The following SEC24A variants were observed in gnomAD, a reference collection of about 807,000 sequenced individuals.
SEC24A encodes the protein protein transport protein Sec24A.
Under a neutral mutation model 129.4 loss-of-function variants are expected in SEC24A, and 93 were observed. The ratio of observed to expected loss-of-function variants is 0.72; its 90% CI spans 0.61 to 0.85. The LOEUF (loss-of-function observed/expected upper bound fraction) is 0.85. SEC24A is among the 40% of genes least tolerant of loss of function. The probability of loss-of-function intolerance (pLI) is 0.00; values close to 1 mark genes in which losing one functional copy is unlikely to be tolerated. For missense variants in SEC24A, 1,264 were observed against 1,307.4 expected (o/e 0.97, Z 0.51); for synonymous variants, 460 against 467.3 (o/e 0.98, Z 0.20).
rs750507563 is a variant in SEC24A at position 134,723,685 on chromosome 5, C to G, written c.3167+15C>G. ...TATGTAATAAGGTAAGTTGAATTTT[C>G]CATTTGCTAGTAGTAAAACAATTTG... is the stretch of plus-strand genomic sequence containing the variant. On this transcript the variant is annotated intron_variant, in intron 22 of 22. Transcript: ENST00000398844. The G allele has an allele frequency of 6.7e-7, 1 of 1,489,624 alleles. No homozygotes were observed. 92.3% of individuals were successfully genotyped at this position (1,489,624 alleles called of 1,614,324 possible). A position where few individuals can be genotyped will look rare whatever the true frequency, so the allele number is the denominator to read the frequency against.
At chr5:134,717,713 C>T (rs546222840) in intron 19 of SEC24A, among the ~76,000 whole-genome samples, 88 of 151,800 alleles carry the variant, frequency 5.8e-4, no homozygotes, top group African/African-American at 2.0e-3. Context: ...GTTGGGAGTT[C>T]GTGACCAGCC....
rs201121476 is a variant in SEC24A at position 134,661,199 on chromosome 5, C to A, written c.178C>A (p.His60Asn). 80 of 1,614,168 alleles carry A rather than the reference C, an allele frequency of 5.0e-5. No homozygotes were observed. The highest frequency in any genetic ancestry group is 5.1e-5 in the Non-Finnish European group (60 of 1,180,026). The change falls in exon 2 of 23, where the codon CAT becomes AAT. Residue 60 changes from histidine (H) to asparagine (N), a missense_variant. Coordinates refer to ENST00000398844, the MANE Select transcript of SEC24A (RefSeq NM_021982.3). ...YNFQLPGSYPHPIPAKTLNPV... is the reference protein window; with the variant it reads ...YNFQLPGSYPNPIPAKTLNPV... Reference sequence around the variant, plus strand: ...TTTCCAGCTTCCAGGATCCTACCCTCATCCAATACCAGCAAAGACTTTGAA... The same window carrying A: ...TTTCCAGCTTCCAGGATCCTACCCTAATCCAATACCAGCAAAGACTTTGAA...
intron 17 of SEC24A, among the ~76,000 whole-genome samples, 200 bp from the exon 18 acceptor site, chr5:134,708,513 T>C (rs1004703499): frequency 1.3e-5 from 2 of 152,158 alleles, no homozygotes; most frequent in Non-Finnish European, 2.9e-5. Context: ...AGCTAGGAAA[T>C]AGCAGAGCAG....
rs201145175 is a variant in SEC24A, at chr5:134,696,408, TA to T, written c.1987-711del. ...AACATTTAATATATTTTAGTTACAA[TA>T]AAAAAATCTTTACCAACTATGAAAT... On this transcript the variant is annotated intron_variant, in intron 13 of 22. Coordinates refer to ENST00000398844, the MANE Select transcript of SEC24A (RefSeq NM_021982.3). Among the ~76,000 whole-genome samples the T allele has an allele frequency of 1.4e-3, 213 of 152,088 alleles. 1 individual carries two copies. The highest frequency in any genetic ancestry group is 4.1e-3 in the African/African-American group (169 of 41,560).
Position 134,693,940 on chromosome 5 carries a change from G to C in SEC24A, c.1986+7G>C, listed in dbSNP as rs181598333. On this transcript the variant is annotated splice_region_variant and intron_variant, in intron 13 of 22. Transcript: ENST00000398844. ...CCACAGGTCATCTGCTAAGGTTAGA[G>C]AGTCATGAAATGTCTGATAAGGTTT... The C allele has an allele frequency of 4.5e-5, 73 of 1,611,882 alleles. No individual in the cohort carries two copies. In the East Asian group the frequency reaches 1.6e-3, roughly 35 times the overall value.
Position 134,708,848 on chromosome 5 carries a change from T to G in SEC24A, c.2687T>G (p.Leu896Trp). Residue 896 changes from leucine to tryptophan, a missense_variant, in exon 18 of 23, where the codon TTG becomes TGG. Leu to Trp is a moderately conservative substitution (Grantham distance 61). Coordinates refer to ENST00000398844, the MANE Select transcript of SEC24A (RefSeq NM_021982.3). ...QQPGLMVPFS[L>W]RLFPLFVLAL... ...CCTGGACTCATGGTTCCTTTTTCTT[T>G]GCGGCTTTTCCCACTTTTTGTGTTG... 6.2e-7 allele frequency: 1 copy of G among 1,613,862 alleles called. No homozygotes were observed. The highest frequency in any genetic ancestry group is 8.5e-7 in the Non-Finnish European group (1 of 1,179,968).
At chr5:134,723,450 C>A in intron 21 of SEC24A, 117 bp from the exon 22 acceptor site, 1 of 610,522 alleles carries the variant, frequency 1.6e-6, no homozygotes, top group East Asian at 2.9e-5. Context: ...TCAACAGAGG[C>A]CTTGTCTCAA....
At chr5:134,705,086 ATATAT>A (rs1162575660) in intron 16 of SEC24A, among the ~76,000 whole-genome samples, 27 of 129,616 alleles carry the variant, frequency 2.1e-4, no homozygotes, top group African/African-American at 8.0e-4. Context: ...ATATATATAT[ATATAT>A]TTTTTTTTTT....
intron 15 of SEC24A, among the ~76,000 whole-genome samples, chr5:134,702,294 C>T (rs1437786569): frequency 6.6e-6 from 1 of 152,216 alleles, no homozygotes; most frequent in African/African-American, 2.4e-5. Context: ...GGATTACAGG[C>T]ACATGCCACC....
chr5:134,683,531 G>A (rs1036380454), intron 9 of SEC24A, among the ~76,000 whole-genome samples: 1 of 152,132 alleles, frequency 6.6e-6, no homozygotes, highest in East Asian at 1.9e-4. Flanking sequence ...ATTTCTTTTA[G>A]AGAGGAGGGT....
At chr5:134,688,724 G>C (rs1291981690) in intron 11 of SEC24A, among the ~76,000 whole-genome samples, 2 of 151,922 alleles carry the variant, frequency 1.3e-5, no homozygotes, top group East Asian at 3.9e-4. Context: ...CTGTCGCCCA[G>C]GCTGTAGTGC....
In SEC24A at chr5:134,676,051, C is replaced by CCT; in HGVS notation, c.1182_1183dup (p.Gln395LeufsTer7). 1 of 1,612,692 alleles carries CCT rather than the reference C, an allele frequency of 6.2e-7. No homozygotes were observed. The highest frequency in any genetic ancestry group is 1.1e-5 in the South Asian group (1 of 90,862). The stretch of plus-strand genomic sequence containing the variant: ...ATTTCGATGCACGCTGACTAGCATT[C>CCT]CTCAGACGCAGGCCTTATTGAATAA... On this transcript the variant is annotated frameshift_variant, in exon 7 of 23. Transcript: ENST00000398844. LOFTEE classifies it high-confidence loss of function.
At chr5:134,689,033 G>GT (rs961617715) in intron 11 of SEC24A, among the ~76,000 whole-genome samples, 3 of 152,126 alleles carry the variant, frequency 2.0e-5, no homozygotes, top group East Asian at 1.9e-4. Flanking sequence ...AGAAGAGACA[G>GT]TTTTTTCAAC....
intron 1 of SEC24A, 97 bp downstream of exon 1, chr5:134,649,270 T>G: frequency 1.2e-6 from 1 of 857,496 alleles, no homozygotes; most frequent in Non-Finnish European, 1.7e-6. Context: ...GAGAGTGACC[T>G]CCTTACCGGG....
At chr5:134,650,720 A>G (rs996643569) in intron 1 of SEC24A, among the ~76,000 whole-genome samples, 4 of 151,418 alleles carry the variant, frequency 2.6e-5, no homozygotes, top group Admixed American at 2.0e-4. Context: ...TTTAAAATAT[A>G]ATTTTCATAG....
At chr5:134,706,940 C>T (rs1001578340) in intron 17 of SEC24A, among the ~76,000 whole-genome samples, 1 of 152,006 alleles carries the variant, frequency 6.6e-6, no homozygotes, top group Non-Finnish European at 1.5e-5. Flanking sequence ...CCACCCACCT[C>T]GGCCTCCCAA....
In SEC24A at chr5:134,726,047, G is replaced by A. The variant is rs1411792099; in HGVS notation, c.*953G>A. 1.3e-5 allele frequency: 2 copies of A among 152,406 alleles called. No homozygotes were observed. Among genetic ancestry groups the A allele is most frequent in the African/African-American group, 4.8e-5 (2 of 41,410 alleles). The allele number at this position is 152,406 out of a possible 1,614,324, so 9.4% of individuals were successfully genotyped here. A position where few individuals can be genotyped will look rare whatever the true frequency, so the allele number is the denominator to read the frequency against. ...TTCTAAGGAGTTTAATTGTTAAATT[G>A]GAAGTCATTCATAAGAAATATTTAT... On this transcript the variant is annotated 3_prime_UTR_variant, in exon 23 of 23. Coordinates refer to ENST00000398844, the MANE Select transcript of SEC24A (RefSeq NM_021982.3).
At chr5:134,700,015 T>C (rs1751954812) in intron 15 of SEC24A, among the ~76,000 whole-genome samples, 1 of 151,920 alleles carries the variant, frequency 6.6e-6, no homozygotes, top group South Asian at 2.1e-4. Context: ...CTCTTATTTT[T>C]AGTTTTTCAT....
intron 20 of SEC24A, among the ~76,000 whole-genome samples, chr5:134,718,434 CT>C (rs946017572): frequency 1.3e-5 from 2 of 151,932 alleles, no homozygotes; most frequent in Non-Finnish European, 1.5e-5. Context: ...GAATGTACTC[CT>C]ACTTAATTTT....
Sources: allele counts gnomAD v4.1 joint callset (sites outside exome capture counted in the v4.1 genomes callset), GRCh38; gene constraint gnomAD v4.1.1; transcripts MANE v1.5; gene names NCBI Gene and HGNC (gene_info 2026-07-23, HGNC 2026-07-21).